The following DOCK4 variants were observed in gnomAD, a reference collection of about 807,000 sequenced individuals.
The protein encoded by DOCK4 is dedicator of cytokinesis protein 4.
Under a neutral mutation model 268.1 loss-of-function variants are expected in DOCK4, and 97 were observed. The observed-to-expected ratio is 0.36, with a 90% CI of 0.31 to 0.43. The LOEUF (loss-of-function observed/expected upper bound fraction) is 0.43, where lower values mean the gene tolerates loss of function less well. DOCK4 is among the 20% of genes least tolerant of loss of function. The pLI, the probability that DOCK4 is intolerant of heterozygous loss-of-function variation, is 1.00. For missense variants in DOCK4, 2,145 were observed against 2,455.7 expected, an observed-to-expected ratio of 0.87 and a Z score of 2.67; for synonymous variants, 954 against 887.2, an observed-to-expected ratio of 1.08 and a Z score of -1.34.
At chr7:111,740,664 C>T (rs954033042) in intron 47 of DOCK4, among the ~76,000 whole-genome samples, 1 of 127,528 alleles carries the variant, frequency 7.8e-6, no homozygotes, top group South Asian at 2.6e-4. Flanking sequence ...GCCCGGGAGG[C>T]GGAGGTTGCA....
At position 111,741,524 on chromosome 7, in the gene DOCK4, T is replaced by C. The variant is rs530781849; in HGVS notation, c.4919+16A>G. On this transcript the variant is annotated intron_variant, in intron 46 of 52. Transcript: ENST00000428084. ...GGGTGAGGCCAAATTGTAAGATAAT[T>C]TGGAATATGACTTACCTGCGTCTAG... 2.3e-5 allele frequency: 37 copies of C among 1,610,040 alleles called. No homozygotes were observed. Among genetic ancestry groups the C allele is most frequent in the Non-Finnish European group, 3.1e-5 (37 of 1,178,594 alleles).
chr7:111,921,763 T>C (rs541367301), intron 12 of DOCK4, among the ~76,000 whole-genome samples: 1 of 152,322 alleles, frequency 6.6e-6, no homozygotes, highest in Non-Finnish European at 1.5e-5. Context: ...ACTCCTACAA[T>C]TGCCACTGCC....
chr7:112,018,742 A>G (rs1802077950), intron 1 of DOCK4, among the ~76,000 whole-genome samples: 1 of 145,392 alleles, frequency 6.9e-6, no homozygotes, highest in South Asian at 2.1e-4. Context: ...ATGCTTAGCT[A>G]GGGTTAAAAT....
At chr7:111,781,893 A>G (rs1374333470) in intron 35 of DOCK4, among the ~76,000 whole-genome samples, 1 of 152,208 alleles carries the variant, frequency 6.6e-6, no homozygotes, top group Admixed American at 6.6e-5. Context: ...GCAAGCAAAT[A>G]GAGAACTATA....
chr7:112,026,008 G>A (rs1445748481), intron 1 of DOCK4, among the ~76,000 whole-genome samples: 1 of 152,154 alleles, frequency 6.6e-6, no homozygotes, highest in Non-Finnish European at 1.5e-5. Context: ...CTCTCTATCT[G>A]CACAAGCAAC....
intron 1 of DOCK4, among the ~76,000 whole-genome samples, chr7:112,099,854 A>T (rs1183992419): frequency 6.6e-6 from 1 of 152,214 alleles, no homozygotes; most frequent in African/African-American, 2.4e-5. Context: ...TAATGACATA[A>T]CTGTAAGTAG....
intron 13 of DOCK4, 126 bp downstream of exon 13, chr7:111,915,653 C>G: frequency 1.1e-6 from 1 of 893,198 alleles, no homozygotes; most frequent in Non-Finnish European, 1.6e-6. Context: ...AGTCACATAC[C>G]TCATTTCATT....
At chr7:111,948,962 C>T (rs1324025639) in intron 8 of DOCK4, among the ~76,000 whole-genome samples, 6 of 150,174 alleles carry the variant, frequency 4.0e-5, no homozygotes, top group Admixed American at 2.6e-4. Flanking sequence ...AAACACAAAA[C>T]ACAAAACTCC....
At chr7:112,168,209 T>C (rs1817770213) in intron 1 of DOCK4, among the ~76,000 whole-genome samples, 1 of 152,230 alleles carries the variant, frequency 6.6e-6, no homozygotes, top group Non-Finnish European at 1.5e-5. Context: ...TAAAAGCATG[T>C]TTTAAAAATT....
chr7:111,809,180 C>G (rs1197142182), intron 29 of DOCK4, 121 bp downstream of exon 29: 3 of 818,264 alleles, frequency 3.7e-6, no homozygotes, highest in Non-Finnish European at 5.8e-6. Context: ...CTTCTTGACC[C>G]CTTGGTCACT....
At chr7:112,113,734 A>ATTTT (rs57672966) in intron 1 of DOCK4, among the ~76,000 whole-genome samples, 5 of 49,546 alleles carry the variant, frequency 1.0e-4, no homozygotes, top group African/African-American at 1.4e-4. Context: ...TACTTGGCTG[A>ATTTT]TTTTTTTTTT....
intron 1 of DOCK4, among the ~76,000 whole-genome samples, chr7:112,158,281 T>G (rs983127295): frequency 1.3e-5 from 2 of 152,228 alleles, no homozygotes; most frequent in Admixed American, 6.5e-5. Flanking sequence ...TTGGTACTAC[T>G]CATGGTCTTA....
At chr7:112,039,552 T>C (rs558105157) in intron 1 of DOCK4, among the ~76,000 whole-genome samples, 134 of 152,248 alleles carry the variant, frequency 8.8e-4, no homozygotes, top group Non-Finnish European at 1.5e-3. Context: ...GAAAGCCTTA[T>C]CTTTCTGAAG....
chr7:111,812,686 C>G (rs1208085928), intron 27 of DOCK4, among the ~76,000 whole-genome samples: 3 of 152,334 alleles, frequency 2.0e-5, no homozygotes, highest in Non-Finnish European at 2.9e-5. Context: ...TATTAGACTT[C>G]TCTCTGTTCT....
chr7:112,096,840 C>A (rs1276802449), intron 1 of DOCK4, among the ~76,000 whole-genome samples: 1 of 152,166 alleles, frequency 6.6e-6, no homozygotes, highest in African/African-American at 2.4e-5. Context: ...ACTGGACATT[C>A]TGACAGTGGG....
intron 16 of DOCK4, among the ~76,000 whole-genome samples, chr7:111,882,571 G>T (rs1807481952): frequency 6.6e-6 from 1 of 152,128 alleles, no homozygotes; most frequent in South Asian, 2.1e-4. Flanking sequence ...TTTAAGCATA[G>T]AATCCCTTTA....
chr7:111,916,958 C>T (rs977529415), intron 12 of DOCK4, among the ~76,000 whole-genome samples: 6 of 149,782 alleles, frequency 4.0e-5, no homozygotes, highest in African/African-American at 1.5e-4. Flanking sequence ...ATCCCTCACC[C>T]ACCTCCCACC....
chr7:111,766,327 G>A (rs1797755942), intron 38 of DOCK4, among the ~76,000 whole-genome samples: 1 of 152,028 alleles, frequency 6.6e-6, no homozygotes, highest in Non-Finnish European at 1.5e-5. Flanking sequence ...AAAATTAAAA[G>A]GCAATATTGT....
rs1798964798 is a variant in DOCK4, at chr7:111,783,837, A to T, written c.3524+20T>A. On this transcript the variant is annotated intron_variant, in intron 34 of 52. Coordinates refer to ENST00000428084, the MANE Select transcript of DOCK4 (RefSeq NM_001363540.2). The stretch of plus-strand genomic sequence containing the variant: ...GTTCAGCATGAACTGGAGTTCAGAA[A>T]AACATGCGACTTGGCTTACCTGTAA... 1 of 1,580,808 alleles carries T rather than the reference A, an allele frequency of 6.3e-7. No homozygotes were observed. The highest frequency in any genetic ancestry group is 1.2e-5 in the South Asian group (1 of 86,354).
Sources: gnomAD v4.1 joint callset for allele counts (sites outside exome capture counted in the v4.1 genomes callset) on GRCh38, gnomAD v4.1.1 for gene constraint, MANE v1.5 for transcripts, NCBI Gene and HGNC (gene_info 2026-07-23, HGNC 2026-07-21) for gene names.